PDXDC1: variants seen among roughly 807,000 people sequenced by gnomAD.
PDXDC1 encodes the protein pyridoxal-dependent decarboxylase domain-containing protein 1.
A neutral mutation model predicts 100.1 loss-of-function variants in PDXDC1; 42 were observed. That is an observed-to-expected ratio of 0.42 (90% CI 0.33 to 0.54). The LOEUF (loss-of-function observed/expected upper bound fraction) is 0.54, where lower values mean the gene tolerates loss of function less well. Ranked by LOEUF, PDXDC1 falls within the 20% of genes least tolerant of loss-of-function variation. PDXDC1 has a pLI of 0.10. For missense variants in PDXDC1, 636 were observed against 979.2 expected, an observed-to-expected ratio of 0.65 and a Z score of 4.68; for synonymous variants, 260 against 371.7, an observed-to-expected ratio of 0.70 and a Z score of 3.46.
intron 16 of PDXDC1, chr16:15,135,146 T>G: frequency 1.3e-6 from 1 of 765,412 alleles, no homozygotes; most frequent in Non-Finnish European, 2.2e-6. Flanking sequence ...GGCTGTCGTG[T>G]TACGTAGAAT....
At chr16:15,090,835 G>A (rs1424278195) in intron 16 of PDXDC1, among the ~76,000 whole-genome samples, 1 of 151,336 alleles carries the variant, frequency 6.6e-6, no homozygotes, top group African/African-American at 2.4e-5. Flanking sequence ...CTACATGATA[G>A]GTGTATCTCG....
chr16:15,009,320 G>T (rs2041061619), intron 7 of PDXDC1: 1 of 349,078 alleles, frequency 2.9e-6, no homozygotes, highest in African/African-American at 2.1e-5. Flanking sequence ...TATTTCTTTT[G>T]TCAAGGTAGT....
intron 16 of PDXDC1, chr16:15,047,171 C>T (rs1391799316): frequency 6.2e-6 from 3 of 482,244 alleles, no homozygotes; most frequent in Non-Finnish European, 1.1e-5. Context: ...ATGTGAAAAT[C>T]GCAACCTCGA....
At position 15,131,150 on chromosome 16, in the gene PDXDC1, T is replaced by G. The variant is rs754224391; in HGVS notation, c.1400-7729T>G. On this transcript the variant is annotated intron_variant, in intron 16 of 16. Transcript: ENST00000535621. ...GCCGCAGGGTTGCTGCTGTCCAGGG[T>G]GACCACAGCACCGACGGAGGCCTGG... is the stretch of plus-strand genomic sequence containing the variant. The G allele has an allele frequency of 1.3e-5, 20 of 1,591,550 alleles. No homozygotes were observed. In the African/African-American group the frequency reaches 2.5e-4, roughly 20 times the overall value.
intron 16 of PDXDC1, among the ~76,000 whole-genome samples, chr16:15,129,589 CG>C (rs2047942740): frequency 2.6e-5 from 4 of 152,242 alleles, no homozygotes; most frequent in Admixed American, 2.6e-4. Context: ...GGTGGATGCA[CG>C]GTCTCCCACA....
chr16:15,084,469 A>G (rs1396029866), intron 16 of PDXDC1, among the ~76,000 whole-genome samples: 1 of 152,218 alleles, frequency 6.6e-6, no homozygotes, highest in Non-Finnish European at 1.5e-5. Context: ...AAGAGAATAA[A>G]TAGAAAATGG....
At chr16:15,024,861 TTAC>T (rs1232428972) in intron 13 of PDXDC1, among the ~76,000 whole-genome samples, 2 of 152,310 alleles carry the variant, frequency 1.3e-5, no homozygotes, top group Non-Finnish European at 2.9e-5. Context: ...TTCATCACTC[TTAC>T]TACTATCTGA....
intron 12 of PDXDC1, among the ~76,000 whole-genome samples, chr16:15,020,974 A>AC (rs1396462971): frequency 9.5e-5 from 14 of 147,842 alleles, no homozygotes; most frequent in Admixed American, 2.7e-4. Context: ...GGCACCATCT[A>AC]AACACACACA....
chr16:15,044,362 C>T lies in PDXDC1; in HGVS notation c.1399+14306C>T, dbSNP rs759104401. 6.2e-6 allele frequency: 10 copies of T among 1,613,340 alleles called. No homozygotes were observed. The South Asian group carries it at 7.7e-5, about 12-fold the overall frequency. On this transcript the variant is annotated intron_variant, in intron 16 of 16. Coordinates refer to the PDXDC1 transcript ENST00000535621. ...GAAGTTGATGAGTGAGTTTTTGTGACAACTGCCTGTCGTCACTGAAGCCTC... is the reference window on the plus strand; with the variant it reads ...GAAGTTGATGAGTGAGTTTTTGTGATAACTGCCTGTCGTCACTGAAGCCTC...
At chr16:14,977,346 C>T (rs1291646695) in intron 1 of PDXDC1, among the ~76,000 whole-genome samples, 8 of 134,370 alleles carry the variant, frequency 6.0e-5, no homozygotes, top group Non-Finnish European at 1.2e-4. Context: ...GTGAGGCGAT[C>T]TCGGATCCCT....
At chr16:15,068,787 G>A (rs2045093958) in intron 16 of PDXDC1, among the ~76,000 whole-genome samples, 1 of 152,194 alleles carries the variant, frequency 6.6e-6, no homozygotes, top group Non-Finnish European at 1.5e-5. Flanking sequence ...GGCAAATTTA[G>A]ACAGAAACCA....
chr16:15,147,810 T>G, the PDXDC1 span, among the ~76,000 whole-genome samples: 1 of 152,086 alleles, frequency 6.6e-6, no homozygotes, highest in East Asian at 1.9e-4. Context: ...TGCCTCAGCC[T>G]CCTAATTAGC....
At chr16:15,140,424 C>A (rs918369945), downstream of PDXDC1, among the ~76,000 whole-genome samples, 2 of 142,996 alleles carry the variant, frequency 1.4e-5, no homozygotes, top group Admixed American at 1.4e-4. Flanking sequence ...AGCACCCCAT[C>A]CTGCAAGAGT....
At chr16:15,065,872 G>A (rs1375501465) in intron 16 of PDXDC1, among the ~76,000 whole-genome samples, 2 of 152,180 alleles carry the variant, frequency 1.3e-5, no homozygotes, top group Admixed American at 6.5e-5. Flanking sequence ...GGAGGGACAC[G>A]GGGTTGACTA....
At chr16:15,074,995 A>G in intron 16 of PDXDC1, 1 of 879,476 alleles carries the variant, frequency 1.1e-6, no homozygotes, top group Non-Finnish European at 1.7e-6. Context: ...CACATCTATA[A>G]GCCCAGCACT....
chr16:15,049,952 T>C (rs940073957), intron 16 of PDXDC1, among the ~76,000 whole-genome samples: 5 of 152,186 alleles, frequency 3.3e-5, no homozygotes, highest in Non-Finnish European at 5.9e-5. Flanking sequence ...CTTATACCCA[T>C]AGAGAAAAAT....
intron 1 of PDXDC1, among the ~76,000 whole-genome samples, chr16:14,995,214 T>C (rs1337249477): frequency 6.6e-6 from 1 of 152,290 alleles, no homozygotes; most frequent in Non-Finnish European, 1.5e-5. Context: ...ATCCCTGTCT[T>C]GTGCCAGTTT....
intron 16 of PDXDC1, chr16:15,055,821 G>C (rs937823789): frequency 2.9e-5 from 24 of 837,694 alleles, no homozygotes; most frequent in Admixed American, 4.4e-5. Context: ...TGTCGCGTGA[G>C]GGGGGCGCTA....
chr16:15,047,190 A>T, intron 16 of PDXDC1: 1 of 517,692 alleles, frequency 1.9e-6, no homozygotes, highest in Non-Finnish European at 3.4e-6. Flanking sequence ...GACGTTCCTG[A>T]GACGACATCA....
Sources: allele counts gnomAD v4.1 joint callset (sites outside exome capture counted in the v4.1 genomes callset), GRCh38; gene constraint gnomAD v4.1.1; transcripts MANE v1.5; gene names NCBI Gene and HGNC (gene_info 2026-07-23, HGNC 2026-07-21).